The following PKD1 variants were observed in gnomAD, a reference collection of about 807,000 sequenced individuals.
PKD1 encodes polycystin-1.
PKD1 carries 81 observed loss-of-function variants against 361.7 expected under a neutral mutation model. The ratio of observed to expected loss-of-function variants is 0.22; its 90% CI spans 0.19 to 0.27. The LOEUF is 0.27. Among genes scored for constraint, PKD1 ranks in the 10% least tolerant of loss-of-function variants. PKD1 has a pLI of 1.00. For missense variants in PKD1, 6,399 were observed against 6,118.3 expected, an observed-to-expected ratio of 1.05 and a Z score of -1.53; for synonymous variants, 3,615 against 2,818.3, an observed-to-expected ratio of 1.28 and a Z score of -8.95.
chr16:2,116,112 C>T lies in PKD1; in HGVS notation c.1729G>A (p.Val577Ile), dbSNP rs777325943. The stretch of plus-strand genomic sequence containing the variant: ...CGGCTCAGACGCAGGCCCGGGAATA[C>T]CATGACCTGGTGGGCAGGGGGCCGC... ...SAPHEPVEVM[V>I]FPGLRLSREA... is the part of the protein sequence containing the mutation. The change falls in exon 9 of 46, where the codon GTA (valine) becomes ATA (isoleucine). Residue 577 changes from valine to isoleucine, a missense_variant. By Grantham distance (29) the Val-to-Ile change is conservative. Coordinates refer to ENST00000262304, the MANE Select transcript of PKD1 (RefSeq NM_001009944.3). The T allele has an allele frequency of 9.6e-6, 15 of 1,555,016 alleles. No homozygotes were observed. The highest frequency in any genetic ancestry group is 1.2e-5 in the Non-Finnish European group (14 of 1,145,224).
At position 2,092,267 on chromosome 16, in the gene PKD1, C is replaced by G. The variant is rs937696439; in HGVS notation, c.11270-79G>C. ...GAGTGTTTCCTGCTGGCCAGCTCGCCTGAGCTCTGGTTCGGCGCCACCCCA... is the reference window on the plus strand; with the variant it reads ...GAGTGTTTCCTGCTGGCCAGCTCGCGTGAGCTCTGGTTCGGCGCCACCCCA... On this transcript the variant is annotated intron_variant, in intron 39 of 45. Transcript: ENST00000262304. 1.7e-5 allele frequency: 25 copies of G among 1,482,192 alleles called. No individual in the cohort carries two copies. The East Asian group carries it at 5.2e-4, about 31-fold the overall frequency. The allele number at this position is 1,482,192 out of a possible 1,614,324, so 91.8% of individuals were successfully genotyped here.
At position 2,102,472 on chromosome 16, in the gene PKD1, G is replaced by T; in HGVS notation, c.9110C>A (p.Ser3037Ter). The change falls in exon 25 of 46, where the codon TCG becomes TAG. Residue 3037 changes from serine to a stop codon, truncating the protein, a stop_gained. Coordinates refer to ENST00000262304, the MANE Select transcript of PKD1 (RefSeq NM_001009944.3). LOFTEE classifies it high-confidence loss of function. ...GGTGAGGCAGACGGCCTGGCGGGGC[G>T]AGGTCTCCTCCAGGGGCAGCAGCCC... ...TEGLLPLEET[S>*]PRQAVCLTRH... 6.4e-7 allele frequency: 1 copy of T among 1,560,004 alleles called. No homozygotes were observed. Among genetic ancestry groups the T allele is most frequent in the Non-Finnish European group, 8.7e-7 (1 of 1,153,792 alleles).
In PKD1 at chr16:2,102,251, C is replaced by A. The variant is rs1180101693; in HGVS notation, c.9207G>T (p.Pro3069=). The A allele has an allele frequency of 1.3e-6, 2 of 1,521,424 alleles. No individual in the cohort carries two copies. The highest frequency in any genetic ancestry group is 2.8e-5 in the African/African-American group (2 of 70,608). The allele number at this position is 1,521,424 out of a possible 1,614,324, so 94.2% of individuals were successfully genotyped here. A position where few individuals can be genotyped will look rare whatever the true frequency, so the allele number is the denominator to read the frequency against. Reference sequence around the variant, plus strand: ...TGACGATGTAGTTTACATCCGCTGTCGGCTCCTGTGAGGACACAGCCGCCG... The same window carrying A: ...TGACGATGTAGTTTACATCCGCTGTAGGCTCCTGTGAGGACACAGCCGCCG... The part of the protein sequence containing the change: ...PSHVRFVFPE[P]TADVNYIVML... Residue 3069 remains proline, a synonymous_variant, in exon 26 of 46, where the codon CCG becomes CCT. Coordinates refer to ENST00000262304, the MANE Select transcript of PKD1 (RefSeq NM_001009944.3).
chr16:2,091,949 C>T (rs374554930), intron 40 of PKD1, 43 bp from the exon 41 acceptor site: 38 of 1,611,538 alleles, frequency 2.4e-5, no homozygotes, highest in Non-Finnish European at 6.8e-6. Context: ...CCAGCCCTTC[C>T]GGCACCCCGG....
Position 2,099,887 on chromosome 16 carries a change from G to A in PKD1, c.9897C>T (p.Tyr3299=), listed in dbSNP as rs759724834. The A allele has an allele frequency of 1.4e-5, 22 of 1,566,184 alleles. No homozygotes were observed. Among genetic ancestry groups the A allele is most frequent in the Admixed American group, 3.8e-5 (2 of 52,764 alleles). ...CLFLGANAVW[Y]GAVGDSAYST... ...TGTAGGCAGAGTCGCCAACAGCCCC[G>A]TACCACACGGCGTTGGCGCCCAGGA... Residue 3299 remains tyrosine (Y), a synonymous_variant, in exon 29 of 46, where the codon TAC becomes TAT. Coordinates refer to ENST00000262304, the MANE Select transcript of PKD1 (RefSeq NM_001009944.3).
rs143350197 is a variant in PKD1 at position 2,097,874 on chromosome 16, G to A, written c.10161C>T (p.His3387=). ...DSSFLTFSGL[H]AEQAFVGQMK... is the part of the protein sequence containing the mutation. ...CCCCCAGTAGAGTCCTCACCTCAGC[G>A]TGGAGGCCTGAGAACGTGAGGAAGG... is the stretch of plus-strand genomic sequence containing the variant. Residue 3387 remains histidine, a synonymous_variant, in exon 31 of 46, where the codon CAC becomes CAT. Coordinates refer to ENST00000262304, the MANE Select transcript of PKD1 (RefSeq NM_001009944.3). The A allele has an allele frequency of 3.2e-5, 52 of 1,604,136 alleles. No homozygotes were observed. In the African/African-American group the frequency reaches 3.7e-4, roughly 12 times the overall value.
intron 1 of PKD1, chr16:2,134,889 A>T (rs1394670298): frequency 6.7e-6 from 1 of 148,818 alleles, no homozygotes; most frequent in Non-Finnish European, 1.5e-5. Context: ...CCAATAGCAG[A>T]GCGCCTGAGG....
At chr16:2,129,168 T>TG (rs1023575839) in intron 1 of PKD1, among the ~76,000 whole-genome samples, 6 of 149,706 alleles carry the variant, frequency 4.0e-5, no homozygotes, top group African/African-American at 1.5e-4. Flanking sequence ...CCCTGTTTTT[T>TG]TTTTTTTTTT....
chr16:2,115,932 G>C (rs1189070095), intron 9 of PKD1, 60 bp downstream of exon 9: 7 of 1,531,490 alleles, frequency 4.6e-6, no homozygotes, highest in Non-Finnish European at 6.2e-6. Flanking sequence ...TGAAAGCTCA[G>C]AGAGGCCACC....
In PKD1 at chr16:2,125,989, G is replaced by A. The variant is rs542030706; in HGVS notation, c.216-6611C>T. ...CAGTGTGTCAATGGAGGAAGCCAAG[G>A]TAGGAAGAGGATGGTGGGGGGGGGG... On this transcript the variant is annotated intron_variant, in intron 1 of 45. Transcript: ENST00000262304. Among the ~76,000 whole-genome samples the A allele has an allele frequency of 1.1e-4, 17 of 149,308 alleles. 1 individual carries two copies. The South Asian group carries it at 3.3e-3, about 29-fold the overall frequency.
In PKD1 at chr16:2,090,762, T is replaced by C. The variant is rs2091471777; in HGVS notation, c.12050A>G (p.Lys4017Arg). 6.2e-7 allele frequency: 1 copy of C among 1,612,498 alleles called. No individual in the cohort carries two copies. The highest frequency in any genetic ancestry group is 1.7e-5 in the Admixed American group (1 of 60,008). Reference sequence around the variant, plus strand: ...CTCTGGCAGAGCTCGGCATAATGTCTTGCCAAAGACGGACCACTGGCGCAC... The same window carrying C: ...CTCTGGCAGAGCTCGGCATAATGTCCTGCCAAAGACGGACCACTGGCGCAC... ...RFVRQWSVFGKTLCRALPELL... is the reference protein window; with the variant it reads ...RFVRQWSVFGRTLCRALPELL... Residue 4017 changes from lysine (K) to arginine (R), a missense_variant, in exon 44 of 46, where the codon AAG becomes AGG. Lys to Arg is a conservative substitution (Grantham distance 26, BLOSUM62 2). Transcript: ENST00000262304.
At position 2,092,595 on chromosome 16, in the gene PKD1, G is replaced by T; in HGVS notation, c.11157-3C>A. On this transcript the variant is annotated splice_polypyrimidine_tract_variant and splice_region_variant and intron_variant, in intron 38 of 45. Transcript: ENST00000262304. The stretch of plus-strand genomic sequence containing the variant: ...TCCATGGCCAGAGCTCCTCAGACCT[G>T]CCACAGCATCAGTCACACGCTCCAG... 1 of 1,597,114 alleles carries T rather than the reference G, an allele frequency of 6.3e-7. No homozygotes were observed. Among genetic ancestry groups the T allele is most frequent in the Non-Finnish European group, 8.6e-7 (1 of 1,166,778 alleles).
rs1227257322 is a variant in PKD1 at position 2,102,236 on chromosome 16, G to C, written c.9222C>G (p.Asn3074Lys). 53 of 1,524,380 alleles carry C rather than the reference G, an allele frequency of 3.5e-5. No homozygotes were observed. The highest frequency in any genetic ancestry group is 4.4e-5 in the Non-Finnish European group (49 of 1,107,714). 94.4% of individuals were successfully genotyped at this position (1,524,380 alleles called of 1,614,324 possible). A position where few individuals can be genotyped will look rare whatever the true frequency, so the allele number is the denominator to read the frequency against. The change falls in exon 26 of 46, where the codon AAC becomes AAG. Residue 3074 changes from asparagine to lysine, a missense_variant. Physicochemically the swap from Asn to Lys is moderately conservative, Grantham distance 94 (BLOSUM62 0). Transcript: ENST00000262304. The stretch of plus-strand genomic sequence containing the variant: ...CAGCACATGTCAGCATGACGATGTA[G>C]TTTACATCCGCTGTCGGCTCCTGTG... Reference protein sequence around the residue: ...FVFPEPTADVNYIVMLTCAVC... With the variant: ...FVFPEPTADVKYIVMLTCAVC...
rs532808522 is a variant in PKD1, at chr16:2,111,021, G to A, written c.4146C>T (p.Asn1382=). 40 of 1,610,670 alleles carry A rather than the reference G, an allele frequency of 2.5e-5. No homozygotes were observed. Among genetic ancestry groups the A allele is most frequent in the East Asian group, 2.0e-4 (9 of 44,882 alleles). Residue 1382 remains asparagine (N), a synonymous_variant, in exon 15 of 46, where the codon AAC becomes AAT. Transcript: ENST00000262304. ...TSICVEPEVG[N]VTLQPERQFV... ...ACTGCCTCTCTGGCTGCAGGGTGAC[G>A]TTGCCCACCTCTGGCTCCACGCAGA...
rs370455159 is a variant in PKD1 at position 2,091,841 on chromosome 16, C to T, written c.11477G>A (p.Ser3826Asn). 6.2e-6 allele frequency: 10 copies of T among 1,610,180 alleles called. No homozygotes were observed. The highest frequency in any genetic ancestry group is 2.2e-5 in the East Asian group (1 of 44,810). The change falls in exon 41 of 46, where the codon AGC becomes AAC. Residue 3826 changes from serine (S) to asparagine (N), a missense_variant. Coordinates refer to ENST00000262304, the MANE Select transcript of PKD1 (RefSeq NM_001009944.3). Reference protein sequence around the residue: ...SGGYVQELGLSLEESRDRLRF... With the variant: ...SGGYVQELGLNLEESRDRLRF... ...CAGCCGGTCGCGGCTCTCCTCCAGG[C>T]TCAGGCCCAGCTCCTGCACGTAGCC... is the stretch of plus-strand genomic sequence containing the variant.
rs1555454847 is a variant in PKD1 at position 2,109,265 on chromosome 16, GCAC to G, written c.5899_5901del (p.Val1967del). 1.3e-6 allele frequency: 2 copies of G among 1,584,554 alleles called. No individual in the cohort carries two copies. The highest frequency in any genetic ancestry group is 1.7e-6 in the Non-Finnish European group (2 of 1,166,170). On this transcript the variant is annotated inframe_deletion, in exon 15 of 46. Transcript: ENST00000262304. ...ACCTGCAGCCCACTCACGGCCTCCAGCACCACGATGCGCACCTGCGCCTGGGCC... is the reference window on the plus strand; with the variant it reads ...ACCTGCAGCCCACTCACGGCCTCCAGCACGATGCGCACCTGCGCCTGGGCC...
rs924303257 is a variant in PKD1, at chr16:2,107,198, G to A, written c.7066-250C>T. 102 of 558,904 alleles carry A rather than the reference G, an allele frequency of 1.8e-4. 1 individual carries two copies. The Admixed American group carries it at 2.5e-3, about 14-fold the overall frequency. 34.6% of individuals were successfully genotyped at this position (558,904 alleles called of 1,614,324 possible). On this transcript the variant is annotated intron_variant, in intron 16 of 45. Transcript: ENST00000262304. ...TACTGGACCCAGCTGGACCCTAGCAGGAGGCAGGCAATGCTCACTGAGGGC... is the reference window on the plus strand; with the variant it reads ...TACTGGACCCAGCTGGACCCTAGCAAGAGGCAGGCAATGCTCACTGAGGGC...
chr16:2,119,509 G>A (rs1292985717), intron 1 of PKD1, 131 bp from the exon 2 acceptor site: 2 of 707,556 alleles, frequency 2.8e-6, no homozygotes, highest in Admixed American at 2.0e-5. Context: ...ACTCCCAGAG[G>A]TCAGGAGGGG....
In PKD1 at chr16:2,090,929, T is replaced by G. The variant is rs1490055251; in HGVS notation, c.11958A>C (p.Ala3986=). 2 of 1,580,838 alleles carry G rather than the reference T, an allele frequency of 1.3e-6. No individual in the cohort carries two copies. Among genetic ancestry groups the G allele is most frequent in the East Asian group, 4.6e-5 (2 of 43,918 alleles). ...SFDQVAQLSS[A]ARGLAASLLF... is the part of the protein sequence containing the mutation. ...GCAGCGAGGCCGCCAGGCCACGGGC[T>G]GCGGAGCTCAGCTGCGCCACCTGGT... Residue 3986 remains alanine (A), a synonymous_variant, in exon 43 of 46, where the codon GCA becomes GCC. Coordinates refer to ENST00000262304, the MANE Select transcript of PKD1 (RefSeq NM_001009944.3).
Sources: allele counts gnomAD v4.1 joint callset (sites outside exome capture counted in the v4.1 genomes callset), GRCh38; gene constraint gnomAD v4.1.1; transcripts MANE v1.5; gene names NCBI Gene and HGNC (gene_info 2026-07-23, HGNC 2026-07-21).